Variants in NR5A2 observed in about 807,000 individuals in gnomAD.
NR5A2 encodes the protein CYP7A promoter-binding factor.
In NR5A2, 26 loss-of-function variants were observed where a neutral mutation model predicts 62.7. The ratio of observed to expected loss-of-function variants is 0.41; its 90% CI spans 0.30 to 0.58. NR5A2 has a LOEUF of 0.58. Ranked by LOEUF, NR5A2 falls within the 20% of genes least tolerant of loss-of-function variation. The pLI is 0.22. For synonymous variants in NR5A2, 246 were observed against 241.7 expected, an observed-to-expected ratio of 1.02 and a Z score of -0.16; for missense variants, 541 against 669.1, an observed-to-expected ratio of 0.81 and a Z score of 2.11.
intron 5 of NR5A2, among the ~76,000 whole-genome samples, chr1:200,103,407 A>G (rs1187329980): frequency 6.6e-6 from 1 of 152,168 alleles, no homozygotes; most frequent in African/African-American, 2.4e-5. Context: ...GATGTGAGCC[A>G]CCGTGCCTGG....
chr1:200,118,341 T>C (rs1200665149), intron 6 of NR5A2, among the ~76,000 whole-genome samples: 2 of 152,226 alleles, frequency 1.3e-5, no homozygotes, highest in Non-Finnish European at 2.9e-5. Context: ...TTTACTACAA[T>C]ATACTTTGTA....
At chr1:200,084,083 G>T (rs978966060) in intron 5 of NR5A2, among the ~76,000 whole-genome samples, 3 of 151,646 alleles carry the variant, frequency 2.0e-5, no homozygotes, top group Admixed American at 6.6e-5. Context: ...TACTTATCAA[G>T]TATTAGTCGT....
At chr1:200,054,313 T>C (rs1301884569) in intron 5 of NR5A2, 2 of 152,128 alleles carry the variant, frequency 1.3e-5, no homozygotes, top group Non-Finnish European at 2.9e-5. Flanking sequence ...TGTATTCTGC[T>C]GAAAGAGCTG....
At chr1:200,119,060 T>G (rs1666367954) in intron 6 of NR5A2, among the ~76,000 whole-genome samples, 1 of 152,252 alleles carries the variant, frequency 6.6e-6, no homozygotes, top group Admixed American at 6.5e-5. Flanking sequence ...GGCTTTTTCA[T>G]GCATAGTTGA....
chr1:200,035,948 G>A (rs1487710863), intron 1 of NR5A2, among the ~76,000 whole-genome samples: 1 of 152,118 alleles, frequency 6.6e-6, no homozygotes, highest in African/African-American at 2.4e-5. Context: ...CAGGCCTCCC[G>A]GGTTCTAGTC....
chr1:200,064,011 T>A (rs1428162894), intron 5 of NR5A2, among the ~76,000 whole-genome samples: 1 of 152,102 alleles, frequency 6.6e-6, no homozygotes, highest in African/African-American at 2.4e-5. Context: ...TAGCTGGGTA[T>A]GGTGGCTTAT....
chr1:200,028,704 T>C (rs567510823), intron 1 of NR5A2, among the ~76,000 whole-genome samples: 2 of 151,922 alleles, frequency 1.3e-5, no homozygotes, highest in Non-Finnish European at 2.9e-5. Flanking sequence ...CCCCAGTTTT[T>C]GAAGGACCTG....
chr1:200,089,684 G>T (rs981942453), intron 5 of NR5A2, among the ~76,000 whole-genome samples: 10 of 151,950 alleles, frequency 6.6e-5, no homozygotes, highest in Non-Finnish European at 1.3e-4. Flanking sequence ...TGCCCAGGCT[G>T]GTCTTGAACT....
chr1:200,032,665 T>G (rs1553263086), intron 1 of NR5A2, among the ~76,000 whole-genome samples: 1 of 151,086 alleles, frequency 6.6e-6, no homozygotes, highest in Non-Finnish European at 1.5e-5. Flanking sequence ...AAAGGGGAAC[T>G]GATATATATA....
chr1:200,063,028 G>GTT (rs760447996), intron 5 of NR5A2, among the ~76,000 whole-genome samples: 1 of 142,606 alleles, frequency 7.0e-6, no homozygotes, highest in South Asian at 2.2e-4. Context: ...ACTTTGGCGT[G>GTT]TTTTTTTTTT....
At chr1:200,156,531 G>A (rs1288214015) in intron 7 of NR5A2, among the ~76,000 whole-genome samples, 1 of 152,082 alleles carries the variant, frequency 6.6e-6, no homozygotes, top group East Asian at 1.9e-4. Flanking sequence ...CCAAGTAGCT[G>A]GGATTACAGG....
intron 6 of NR5A2, among the ~76,000 whole-genome samples, chr1:200,112,374 A>C (rs1665993541): frequency 6.6e-6 from 1 of 152,226 alleles, no homozygotes; most frequent in Non-Finnish European, 1.5e-5. Flanking sequence ...TGTGGGACAC[A>C]GTGATTCCTT....
At chr1:200,098,604 A>G (rs1441196102) in intron 5 of NR5A2, among the ~76,000 whole-genome samples, 4 of 152,204 alleles carry the variant, frequency 2.6e-5, no homozygotes, top group Non-Finnish European at 1.5e-5. Context: ...GCCTTATATA[A>G]ACCACAGCCC....
chr1:200,111,057 C>A, intron 5 of NR5A2, 145 bp from the exon 6 acceptor site: 2 of 833,336 alleles, frequency 2.4e-6, no homozygotes, highest in Non-Finnish European at 3.5e-6. Flanking sequence ...GAATTCTGGG[C>A]ACCTGTGCTT....
intron 7 of NR5A2, among the ~76,000 whole-genome samples, chr1:200,157,405 C>T (rs889964695): frequency 6.6e-6 from 1 of 152,056 alleles, no homozygotes; most frequent in Non-Finnish European, 1.5e-5. Flanking sequence ...TCCTTCCATG[C>T]AAACCTTAGA....
At chr1:200,166,137 A>G (rs965551606) in intron 7 of NR5A2, among the ~76,000 whole-genome samples, 2 of 152,196 alleles carry the variant, frequency 1.3e-5, no homozygotes, top group African/African-American at 4.8e-5. Context: ...GTAGCCCACC[A>G]TTCCCTTTGA....
At chr1:200,067,312 T>G (rs1464015866) in intron 5 of NR5A2, among the ~76,000 whole-genome samples, 1 of 152,162 alleles carries the variant, frequency 6.6e-6, no homozygotes, top group African/African-American at 2.4e-5. Flanking sequence ...ATCCCAGCAC[T>G]TTGGGAGGCC....
chr1:200,075,302 G>T (rs1203414820), intron 5 of NR5A2, among the ~76,000 whole-genome samples: 1 of 152,094 alleles, frequency 6.6e-6, no homozygotes, highest in Admixed American at 6.5e-5. Context: ...AAGGAAAGCC[G>T]CTTTGCAAAA....
Position 200,027,893 on chromosome 1 carries a change from C to A in NR5A2, c.46C>A (p.His16Asn). 6.3e-7 allele frequency: 1 copy of A among 1,596,954 alleles called. No individual in the cohort carries two copies. The highest frequency in any genetic ancestry group is 8.5e-7 in the Non-Finnish European group (1 of 1,171,486). ...DTGDLQESLKHGLTPIGAGLP... is the reference protein window; with the variant it reads ...DTGDLQESLKNGLTPIGAGLP... ...TGGGGATTTACAAGAGTCTTTAAAG[C>A]ACGGACTTACACCTATTGGTAAGTA... The change falls in exon 1 of 8, where the codon CAC becomes AAC. Residue 16 changes from histidine to asparagine, a missense_variant. By Grantham distance (68) the His-to-Asn change is moderately conservative. Around this residue, in one of 3 missense-constraint regions of NR5A2, gnomAD observed 108 missense variants for 103.3 expected, o/e 1.05. Coordinates refer to ENST00000367362, the MANE Select transcript of NR5A2 (RefSeq NM_205860.3).
Sources: allele counts gnomAD v4.1 joint callset (sites outside exome capture counted in the v4.1 genomes callset), GRCh38; gene constraint gnomAD v4.1.1; regional missense constraint gnomAD v4.1.1; transcripts MANE v1.5; gene names NCBI Gene and HGNC (gene_info 2026-07-23, HGNC 2026-07-21).